TLN2: variants seen among roughly 807,000 people sequenced by gnomAD.
TLN2 encodes talin 2, also known as talin-2.
TLN2 carries 118 observed loss-of-function variants against 294.7 expected under a neutral mutation model. The ratio of observed to expected loss-of-function variants is 0.40; its 90% confidence interval spans 0.34 to 0.47. The LOEUF is 0.47. Among genes scored for constraint, TLN2 ranks in the 20% least tolerant of loss-of-function variants. The probability of loss-of-function intolerance (pLI) is 0.84; values close to 1 mark genes in which losing one functional copy is unlikely to be tolerated. For synonymous variants in TLN2, 1,431 were observed against 1,304.5 expected (o/e 1.10, Z -2.09); for missense variants, 3,083 against 3,282.2 (o/e 0.94, Z 1.48).
chr15:62,481,770 T>G (rs1416976550), intron 1 of TLN2, among the ~76,000 whole-genome samples: 1 of 151,476 alleles, frequency 6.6e-6, no homozygotes, highest in Non-Finnish European at 1.5e-5. Context: ...ATTTAAAGAC[T>G]ACATATTATT....
At position 62,528,670 on chromosome 15, in the gene TLN2, CTTTTTTTT is replaced by C. The variant is rs3055755; in HGVS notation, c.-237-61004_-237-60997del. Among the ~76,000 whole-genome samples, 7 of 96,776 alleles carry C rather than the reference CTTTTTTTT, an allele frequency of 7.2e-5. No individual in the cohort carries two copies. The East Asian group carries it at 2.0e-3, about 28-fold the overall frequency. The allele number at this position is 96,776 out of a possible 152,430, so 63.5% of individuals were successfully genotyped here. A position where few individuals can be genotyped will look rare whatever the true frequency, so the allele number is the denominator to read the frequency against. On this transcript the variant is annotated intron_variant, in intron 1 of 58. Transcript: ENST00000636159. ...CCTTCTTGAGTGTATCCAGAGCTTGCTTTTTTTTTTTTTTTTTTTTGGCATGTCTCAGG... is the reference window on the plus strand; with the variant it reads ...CCTTCTTGAGTGTATCCAGAGCTTGCTTTTTTTTTTTTGGCATGTCTCAGG...
At chr15:62,674,936 T>G (rs183860628) in intron 10 of TLN2, among the ~76,000 whole-genome samples, 1 of 152,358 alleles carries the variant, frequency 6.6e-6, no homozygotes, top group African/African-American at 2.4e-5. Context: ...TGGACCCTGT[T>G]CCCACCACAC....
In TLN2 at chr15:62,730,029, C is replaced by CTTT. The variant is rs11368681; in HGVS notation, c.3358+2856_3358+2858dup. 4.4e-3 allele frequency among the ~76,000 whole-genome samples: 538 copies of CTTT among 121,164 alleles called. 15 individuals carry two copies. Among genetic ancestry groups the CTTT allele is most frequent in the African/African-American group, 0.016 (511 of 31,342 alleles). The allele number at this position is 121,164 out of a possible 152,430, so 79.5% of individuals were successfully genotyped here. A position where few individuals can be genotyped will look rare whatever the true frequency, so the allele number is the denominator to read the frequency against. ...TTTCTTTCAATTATTTTATTGTTGT[C>CTTT]TTTTTTTTTTTTTTTTTTGAAATGG... On this transcript the variant is annotated intron_variant, in intron 28 of 58. Coordinates refer to ENST00000636159, the MANE Select transcript of TLN2 (RefSeq NM_015059.3).
chr15:62,698,006 T>C (rs562874377), intron 15 of TLN2, 138 bp downstream of exon 15: 1 of 1,133,748 alleles, frequency 8.8e-7, no homozygotes, highest in Non-Finnish European at 1.2e-6. Context: ...CAGCTGTGCA[T>C]TTTTTAAATT....
At chr15:62,415,693 G>A (rs955357342) in intron 1 of TLN2, among the ~76,000 whole-genome samples, 2 of 152,222 alleles carry the variant, frequency 1.3e-5, no homozygotes, top group Admixed American at 1.3e-4. Flanking sequence ...ACAGGGAACA[G>A]TGTGTTCCAA....
chr15:62,461,998 C>G (rs427604), intron 1 of TLN2, among the ~76,000 whole-genome samples: 2 of 152,218 alleles, frequency 1.3e-5, no homozygotes, highest in African/African-American at 4.8e-5. Flanking sequence ...GCACTTTGGG[C>G]GGCTGAGGCA....
At chr15:62,601,810 A>C (rs2140783241) in intron 2 of TLN2, among the ~76,000 whole-genome samples, 1 of 152,332 alleles carries the variant, frequency 6.6e-6, no homozygotes, top group South Asian at 2.1e-4. Context: ...AAAAGAGATC[A>C]CTGAGACTTT....
chr15:62,808,897 A>AG (rs1031830264), intron 51 of TLN2, among the ~76,000 whole-genome samples: 2 of 152,220 alleles, frequency 1.3e-5, no homozygotes, highest in African/African-American at 2.4e-5. Flanking sequence ...GGGTAAGTCA[A>AG]GGGGGGAGCC....
intron 2 of TLN2, among the ~76,000 whole-genome samples, chr15:62,594,587 G>A (rs2046332595): frequency 6.6e-6 from 1 of 152,002 alleles, no homozygotes; most frequent in African/African-American, 2.4e-5. Context: ...AATAGTGTTG[G>A]GACAACTGGA....
chr15:62,693,970 T>G (rs8032511), intron 13 of TLN2, among the ~76,000 whole-genome samples: 3,338 of 123,090 alleles, frequency 0.027, 103 homozygotes, highest in African/African-American at 0.1. Context: ...TTTTTTTTTT[T>G]TTTTTTTTTT....
intron 2 of TLN2, among the ~76,000 whole-genome samples, chr15:62,597,462 A>G (rs11071676): frequency 0.37 from 56,693 of 152,018 alleles, 11,029 homozygotes; most frequent in East Asian, 0.59. Flanking sequence ...TGCAGCAGCT[A>G]TCTTGAAGCT....
At chr15:62,801,181 C>T (rs1197961745) in intron 50 of TLN2, among the ~76,000 whole-genome samples, 1 of 152,212 alleles carries the variant, frequency 6.6e-6, no homozygotes, top group African/African-American at 2.4e-5. Context: ...AATTGGAAGT[C>T]TGCCGTTTGC....
intron 1 of TLN2, among the ~76,000 whole-genome samples, chr15:62,517,884 C>T (rs533071945): frequency 6.6e-5 from 10 of 152,012 alleles, no homozygotes; most frequent in Admixed American, 1.3e-4. Context: ...CTTAAATATC[C>T]CTGGACATAT....
chr15:62,769,705 A>C (rs2063231740), intron 41 of TLN2, among the ~76,000 whole-genome samples: 1 of 151,886 alleles, frequency 6.6e-6, no homozygotes, highest in South Asian at 2.1e-4. Flanking sequence ...TGCTCATGTG[A>C]GTGGTCTTCC....
rs57101105 is a variant in TLN2, at chr15:62,432,910, C to T, written c.-238+42225C>T. Among the ~76,000 whole-genome samples, 668 of 152,196 alleles carry T rather than the reference C, an allele frequency of 4.4e-3. 3 individuals are homozygous for T. Among genetic ancestry groups the T allele is most frequent in the African/African-American group, 0.015 (629 of 41,506 alleles). ...GAAGTGTCTGTGCCCTATTTTCCTACGAGCCAAGGAGAAGCCCTTGCCAGG... is the reference window on the plus strand; with the variant it reads ...GAAGTGTCTGTGCCCTATTTTCCTATGAGCCAAGGAGAAGCCCTTGCCAGG... On this transcript the variant is annotated intron_variant, in intron 1 of 58. Transcript: ENST00000636159.
intron 1 of TLN2, among the ~76,000 whole-genome samples, chr15:62,416,572 TG>T (rs1241086454): frequency 6.6e-6 from 1 of 152,206 alleles, no homozygotes; most frequent in Non-Finnish European, 1.5e-5. Context: ...AGGTAGGGTT[TG>T]CAATTTGGAG....
chr15:62,699,879 T>A (rs2058606923), intron 16 of TLN2, among the ~76,000 whole-genome samples: 1 of 152,228 alleles, frequency 6.6e-6, no homozygotes, highest in South Asian at 2.1e-4. Flanking sequence ...GTGGTTTTTA[T>A]TCTCCCCAGG....
intron 1 of TLN2, among the ~76,000 whole-genome samples, chr15:62,468,132 T>G (rs2037248596): frequency 6.6e-6 from 1 of 150,680 alleles, no homozygotes; most frequent in Non-Finnish European, 1.5e-5. Flanking sequence ...TAAATAAATT[T>G]TTAAATTTAA....
In TLN2 at chr15:62,716,522, A is replaced by G. The variant is rs547779510; in HGVS notation, c.2763+63A>G. 47 of 1,531,892 alleles carry G rather than the reference A, an allele frequency of 3.1e-5. No homozygotes were observed. The African/African-American group carries it at 5.4e-4, about 18-fold the overall frequency. 94.9% of individuals were successfully genotyped at this position (1,531,892 alleles called of 1,614,324 possible). ...AAATTGCAAAGAGTTATTTGAAAAG[A>G]TAGTTGAATTAACAAGGTGTTGACA... On this transcript the variant is annotated intron_variant, in intron 23 of 58. Transcript: ENST00000636159.
Sources: gnomAD v4.1 joint callset for allele counts (sites outside exome capture counted in the v4.1 genomes callset) on GRCh38, gnomAD v4.1.1 for gene constraint, MANE v1.5 for transcripts, NCBI Gene and HGNC (gene_info 2026-07-23, HGNC 2026-07-21) for gene names.